The following MEI1 variants were observed in gnomAD, a reference collection of about 807,000 sequenced individuals.
MEI1 encodes the protein meiosis inhibitor protein 1.
Under a neutral mutation model 146.2 loss-of-function variants are expected in MEI1, and 103 were observed. The ratio of observed to expected loss-of-function variants is 0.70; its 90% CI spans 0.60 to 0.83. The LOEUF (loss-of-function observed/expected upper bound fraction) is 0.83. Ranked by LOEUF, MEI1 falls within the 40% of genes least tolerant of loss-of-function variation. The pLI is 0.00. For missense variants in MEI1, 1,529 were observed against 1,533.0 expected (o/e 1.00, Z 0.04); for synonymous variants, 652 against 628.2 (o/e 1.04, Z -0.57).
chr22:41,738,042 C>T (rs529107833), intron 11 of MEI1, among the ~76,000 whole-genome samples: 3 of 152,146 alleles, frequency 2.0e-5, no homozygotes, highest in Admixed American at 6.5e-5. Context: ...TGGCTGGGCA[C>T]GGTGGCTCAC....
chr22:41,785,798 A>C (rs989389974), intron 26 of MEI1, among the ~76,000 whole-genome samples: 2 of 149,014 alleles, frequency 1.3e-5, no homozygotes, highest in East Asian at 4.1e-4. Context: ...TCCTGACCTC[A>C]GGTGATCCAC....
intron 1 of MEI1, among the ~76,000 whole-genome samples, chr22:41,701,531 A>C (rs2147189461): frequency 6.6e-6 from 1 of 152,264 alleles, no homozygotes; most frequent in Non-Finnish European, 1.5e-5. Context: ...ACCTCTGGGA[A>C]GTGTTTTAGG....
At position 41,791,904 on chromosome 22, in the gene MEI1, A is replaced by G. The variant is rs564795557; in HGVS notation, c.3346-1925A>G. On this transcript the variant is annotated intron_variant, in intron 26 of 30. Transcript: ENST00000401548. ...CAGATACAAAAGAGCACATATTATG[A>G]TTCTGCTTATGAGAAATGTCTGGAA... Among the ~76,000 whole-genome samples the G allele has an allele frequency of 4.5e-4, 68 of 152,356 alleles. 1 individual carries two copies. The highest frequency in any genetic ancestry group is 4.1e-3 in the Admixed American group (62 of 15,294).
intron 11 of MEI1, among the ~76,000 whole-genome samples, chr22:41,739,730 T>C (rs962968495): frequency 6.6e-6 from 1 of 152,100 alleles, no homozygotes; most frequent in Admixed American, 6.6e-5. Flanking sequence ...GAGGCATCTA[T>C]GCTGAGCTGG....
intron 3 of MEI1, among the ~76,000 whole-genome samples, chr22:41,711,373 G>A (rs1445842994): frequency 1.3e-5 from 2 of 152,094 alleles, no homozygotes; most frequent in South Asian, 2.1e-4. Context: ...CGATTTCACC[G>A]TGTTAGCCAG....
chr22:41,765,377 A>T (rs1164005465), intron 19 of MEI1, among the ~76,000 whole-genome samples: 1 of 152,182 alleles, frequency 6.6e-6, no homozygotes, highest in East Asian at 1.9e-4. Context: ...GCTACTGGGA[A>T]GGCTGAGGTG....
At chr22:41,748,442 G>T (rs1158287691) in intron 15 of MEI1, among the ~76,000 whole-genome samples, 3 of 152,166 alleles carry the variant, frequency 2.0e-5, no homozygotes, top group Admixed American at 2.0e-4. Context: ...CTAGTGCTTT[G>T]GGAGACCAAG....
chr22:41,743,027 C>A, intron 11 of MEI1, 53 bp from the exon 12 acceptor site: 3 of 1,321,344 alleles, frequency 2.3e-6, no homozygotes, highest in Non-Finnish European at 3.2e-6. Context: ...CTGGGGTTAT[C>A]TTGGGAATAC....
chr22:41,776,054 C>T (rs2075422247), intron 20 of MEI1, 48 bp from the exon 21 acceptor site: 3 of 1,584,430 alleles, frequency 1.9e-6, no homozygotes, highest in South Asian at 1.1e-5. Context: ...GTCACTTTTC[C>T]CCAACTGCAG....
chr22:41,794,394 T>C lies in MEI1; in HGVS notation c.3451T>C (p.Trp1151Arg), dbSNP rs777779558. ...AGCTCTCCACGTGGCCTCCCAGCCT[T>C]GGAATCGGTTTTTGCTGTTTACCCT... ...DIALHVASQP[W>R]NRFLLFTLLD... Residue 1151 changes from tryptophan to arginine, a missense_variant, in exon 28 of 31, where the codon TGG becomes CGG. By Grantham distance (101) the Trp-to-Arg change is moderately radical. Coordinates refer to ENST00000401548, the MANE Select transcript of MEI1 (RefSeq NM_152513.4). 2 of 1,613,970 alleles carry C rather than the reference T, an allele frequency of 1.2e-6. No individual in the cohort carries two copies. Among genetic ancestry groups the C allele is most frequent in the Admixed American group, 1.7e-5 (1 of 60,024 alleles).
At chr22:41,785,630 C>A (rs545048681) in intron 26 of MEI1, among the ~76,000 whole-genome samples, 2 of 151,696 alleles carry the variant, frequency 1.3e-5, no homozygotes, top group East Asian at 3.9e-4. Context: ...ATGGTGCAAT[C>A]TTGGCTCACT....
intron 3 of MEI1, among the ~76,000 whole-genome samples, chr22:41,711,861 T>C (rs1370336712): frequency 2.0e-5 from 3 of 152,052 alleles, no homozygotes; most frequent in Non-Finnish European, 4.4e-5. Flanking sequence ...ATTCTTTTTT[T>C]TTAGTATATA....
chr22:41,784,687 C>G lies in MEI1; in HGVS notation c.3249C>G (p.Ala1083=), dbSNP rs2075888869. 6.2e-7 allele frequency: 1 copy of G among 1,613,712 alleles called. No individual in the cohort carries two copies. Among genetic ancestry groups the G allele is most frequent in the Non-Finnish European group, 8.5e-7 (1 of 1,179,808 alleles). Residue 1083 remains alanine (A), a synonymous_variant, in exon 26 of 31, where the codon GCC becomes GCG. Transcript: ENST00000401548. The part of the protein sequence containing the change: ...SALVALVPSG[A]QPLPATKDTV... ...TGGTAGCCCTGGTGCCCTCAGGGGC[C>G]CAGCCACTGCCAGCCACCAAGGACA...
At chr22:41,784,553 G>C in intron 25 of MEI1, 55 bp from the exon 26 acceptor site, 1 of 1,600,614 alleles carries the variant, frequency 6.2e-7, no homozygotes, top group Non-Finnish European at 8.5e-7. Context: ...TGACAGAGCT[G>C]GGTGGGAGGT....
chr22:41,705,552 A>G lies in MEI1; in HGVS notation c.347A>G (p.Glu116Gly), dbSNP rs546967698. Reference sequence around the variant, plus strand: ...GGGAGTGTGACAGACCTCTGTATTGAAGGTAAGTTGAAACCTTGTATCTAG... The same window carrying G: ...GGGAGTGTGACAGACCTCTGTATTGGAGGTAAGTTGAAACCTTGTATCTAG... ...EDGSVTDLCI[E>G]VLIQITTQLK... The change falls in exon 3 of 31, where the codon GAA becomes GGA. Residue 116 changes from glutamate to glycine, a missense_variant and splice_region_variant. Glu to Gly is a moderately conservative substitution (Grantham distance 98, BLOSUM62 -2). This residue lies in a region of MEI1 where 1,212 missense variants were observed against 1,178.9 expected (regional missense o/e 1.03). Coordinates refer to ENST00000401548, the MANE Select transcript of MEI1 (RefSeq NM_152513.4). 6.2e-6 allele frequency: 10 copies of G among 1,613,084 alleles called. No individual in the cohort carries two copies. In the East Asian group the frequency reaches 2.2e-4, roughly 36 times the overall value.
intron 26 of MEI1, among the ~76,000 whole-genome samples, chr22:41,789,907 G>A (rs2076116409): frequency 1.3e-5 from 2 of 152,118 alleles, no homozygotes; most frequent in Non-Finnish European, 2.9e-5. Context: ...ATTGCCTAGT[G>A]AACAGGACCA....
At chr22:41,791,102 G>A (rs1163712352) in intron 26 of MEI1, among the ~76,000 whole-genome samples, 1 of 152,140 alleles carries the variant, frequency 6.6e-6, no homozygotes, top group Non-Finnish European at 1.5e-5. Flanking sequence ...ACAAAAAGCT[G>A]GGCAGAGCCA....
At chr22:41,774,518 A>G (rs2075345163) in intron 20 of MEI1, 1 of 152,162 alleles carries the variant, frequency 6.6e-6, no homozygotes, top group Admixed American at 6.5e-5. Context: ...AAAATTATCT[A>G]GATTCTCTCT....
In MEI1 at chr22:41,732,446, G is replaced by A. The variant is rs201053640; in HGVS notation, c.1197-23G>A. The A allele has an allele frequency of 1.5e-5, 25 of 1,613,640 alleles. No individual in the cohort carries two copies. The Admixed American group carries it at 1.7e-4, about 11-fold the overall frequency. The stretch of plus-strand genomic sequence containing the variant: ...GTCAGTGAGAAGAGTTCACCTACTC[G>A]TTTCTCATCTTCCATTTCTCAGGCA... On this transcript the variant is annotated intron_variant, in intron 10 of 30. Coordinates refer to ENST00000401548, the MANE Select transcript of MEI1 (RefSeq NM_152513.4).
Sources: gnomAD v4.1 joint callset for allele counts (sites outside exome capture counted in the v4.1 genomes callset) on GRCh38, gnomAD v4.1.1 for gene constraint, gnomAD v4.1.1 regional missense constraint, MANE v1.5 for transcripts, NCBI Gene and HGNC (gene_info 2026-07-23, HGNC 2026-07-21) for gene names.